Variants in CHRM1 observed in about 807,000 individuals in gnomAD.
CHRM1 encodes the protein muscarinic acetylcholine receptor M1.
A neutral mutation model predicts 31.6 loss-of-function variants in CHRM1; 5 were observed. The observed-to-expected ratio is 0.16, with a 90% CI of 0.08 to 0.33. CHRM1 has a LOEUF of 0.33. CHRM1 is among the 10% of genes least tolerant of loss of function. The pLI is 1.00. For missense variants in CHRM1, 338 were observed against 610.3 expected (o/e 0.55, Z 4.70); for synonymous variants, 227 against 249.7 (o/e 0.91, Z 0.86).
At chr11:62,913,497 C>T (rs1425306898) in intron 1 of CHRM1, among the ~76,000 whole-genome samples, 1 of 152,072 alleles carries the variant, frequency 6.6e-6, no homozygotes, top group Non-Finnish European at 1.5e-5. Flanking sequence ...CATAGTGAAA[C>T]TCTGTCTCTA....
intron 1 of CHRM1, among the ~76,000 whole-genome samples, chr11:62,913,696 A>G (rs34651844): frequency 3.9e-5 from 6 of 152,032 alleles, no homozygotes; most frequent in African/African-American, 1.4e-4. Context: ...AAAGAAAAGA[A>G]ATGTCTGATA....
intron 1 of CHRM1, among the ~76,000 whole-genome samples, chr11:62,919,809 G>C (rs758933404): frequency 6.6e-6 from 1 of 152,170 alleles, no homozygotes; most frequent in Non-Finnish European, 1.5e-5. Context: ...GAAGGGGTCC[G>C]AGCCCCAGCT....
intron 1 of CHRM1, among the ~76,000 whole-genome samples, chr11:62,920,943 GT>G (rs2085930286): frequency 6.6e-6 from 1 of 152,150 alleles, no homozygotes; most frequent in Non-Finnish European, 1.5e-5. Context: ...CTCAGGTCCA[GT>G]TTCCTGAGGG....
At chr11:62,921,407 GGAAA>G (rs2085933213), upstream of CHRM1, 1 of 152,466 alleles carries the variant, frequency 6.6e-6, no homozygotes, top group Non-Finnish European at 1.5e-5. Context: ...AGGGAGAAAG[GGAAA>G]GAGAGGGAGG....
intron 1 of CHRM1, among the ~76,000 whole-genome samples, chr11:62,913,240 G>T (rs55885673): frequency 0.12 from 18,763 of 152,212 alleles, 1,475 homozygotes; most frequent in Admixed American, 0.27. Context: ...TAGCAAGACT[G>T]TCACCTCTTT....
intron 1 of CHRM1, among the ~76,000 whole-genome samples, chr11:62,914,404 T>C (rs978417705): frequency 6.6e-6 from 1 of 152,202 alleles, no homozygotes; most frequent in Admixed American, 6.5e-5. Flanking sequence ...GGATCATAGT[T>C]TGCTAATTCG....
rs2085865023 is a variant in CHRM1, at chr11:62,910,498, G to A, written c.603C>T (p.Val201=). 1 of 1,614,090 alleles carries A rather than the reference G, an allele frequency of 6.2e-7. No individual in the cohort carries two copies. Among genetic ancestry groups the A allele is most frequent in the Admixed American group, 1.7e-5 (1 of 60,014 alleles). Residue 201 remains valine (V), a synonymous_variant, in exon 2 of 2, where the codon GTC becomes GTT. Transcript: ENST00000306960. The surrounding 1 kb of genome is among the most constrained non-coding windows in gnomAD (Gnocchi z 8.7). ...GTAMAAFYLP[V]TVMCTLYWRI... is the part of the protein sequence containing the mutation. ...GCCAGTAGAGCGTGCACATGACTGT[G>A]ACAGGGAGGTAGAAGGCAGCCATGG...
At position 62,910,716 on chromosome 11, in the gene CHRM1, G is replaced by A; in HGVS notation, c.385C>T (p.Arg129Trp). ...CGCTTGGCACGGTAGCTCAGGGGCC[G>A]AGTCACGGAGAAGTAGCGGTCAAAG... is the stretch of plus-strand genomic sequence containing the variant. ...ISFDRYFSVT[R>W]PLSYRAKRTP... Residue 129 changes from arginine to tryptophan, a missense_variant, in exon 2 of 2, where the codon CGG becomes TGG. Around this residue, in one of 4 missense-constraint regions of CHRM1, gnomAD observed 85 missense variants for 257.7 expected, o/e 0.33. Transcript: ENST00000306960. This position sits in a 1 kb window ranked among gnomAD's most constrained non-coding sequence, Gnocchi z 8.7. 1 of 1,614,160 alleles carries A rather than the reference G, an allele frequency of 6.2e-7. No individual in the cohort carries two copies. Among genetic ancestry groups the A allele is most frequent in the Non-Finnish European group, 8.5e-7 (1 of 1,180,028 alleles).
At chr11:62,916,528 A>C (rs2085901244) in intron 1 of CHRM1, among the ~76,000 whole-genome samples, 1 of 152,222 alleles carries the variant, frequency 6.6e-6, no homozygotes, top group Non-Finnish European at 1.5e-5. Context: ...GGAGGTGAGG[A>C]AGCCGGCAGT....
chr11:62,914,034 C>T (rs1026051279), intron 1 of CHRM1, among the ~76,000 whole-genome samples: 93 of 152,016 alleles, frequency 6.1e-4, no homozygotes, highest in African/African-American at 2.1e-3. Context: ...CCTCCGCCTC[C>T]GGGTTCACAC....
At chr11:62,916,687 G>A (rs1340676080) in intron 1 of CHRM1, among the ~76,000 whole-genome samples, 5 of 152,188 alleles carry the variant, frequency 3.3e-5, no homozygotes, top group African/African-American at 9.7e-5. Context: ...CATCCCATGG[G>A]GGGCTCTATC....
Position 62,909,557 on chromosome 11 carries a change from A to C in CHRM1, c.*161T>G. 1 of 820,228 alleles carries C rather than the reference A, an allele frequency of 1.2e-6. No individual in the cohort carries two copies. The highest frequency in any genetic ancestry group is 1.9e-6 in the Non-Finnish European group (1 of 528,218). 50.8% of individuals were successfully genotyped at this position (820,228 alleles called of 1,614,324 possible). A position where few individuals can be genotyped will look rare whatever the true frequency, so the allele number is the denominator to read the frequency against. ...CTGCCTGGGAATAGCGAAGTCTGGA[A>C]AGTTGGCAGGGTCTCTCTGGGCTGC... On this transcript the variant is annotated 3_prime_UTR_variant, in exon 2 of 2. Transcript: ENST00000306960.
chr11:62,911,793 A>G (rs1403870584), intron 1 of CHRM1, among the ~76,000 whole-genome samples: 1 of 152,172 alleles, frequency 6.6e-6, no homozygotes, highest in African/African-American at 2.4e-5. Flanking sequence ...AAGAAAGAAA[A>G]GAAGCCATTC....
At chr11:62,914,663 G>C (rs1490578313) in intron 1 of CHRM1, among the ~76,000 whole-genome samples, 1 of 152,242 alleles carries the variant, frequency 6.6e-6, no homozygotes, top group Non-Finnish European at 1.5e-5. Context: ...AAAGGGAGTA[G>C]AAGGCATTGT....
chr11:62,917,733 T>TCA (rs1283902164), intron 1 of CHRM1, among the ~76,000 whole-genome samples: 1 of 152,154 alleles, frequency 6.6e-6, no homozygotes, highest in Non-Finnish European at 1.5e-5. Context: ...GGCCTCCTGA[T>TCA]GAAGGCTGTT....
intron 1 of CHRM1, 21 bp from the exon 2 acceptor site, chr11:62,911,199 C>T: frequency 8.4e-7 from 1 of 1,195,908 alleles, no homozygotes; most frequent in Non-Finnish European, 1.2e-6. Context: ...AGGACATGGG[C>T]TTTGGTTGGG....
At chr11:62,916,466 G>T (rs968919756) in intron 1 of CHRM1, among the ~76,000 whole-genome samples, 7 of 152,158 alleles carry the variant, frequency 4.6e-5, no homozygotes, top group Admixed American at 4.6e-4. Context: ...CTTGTGAGAA[G>T]AAGTAACTCA....
chr11:62,916,338 C>A (rs1367992816), intron 1 of CHRM1, among the ~76,000 whole-genome samples: 1 of 152,220 alleles, frequency 6.6e-6, no homozygotes, highest in Non-Finnish European at 1.5e-5. Flanking sequence ...GCTGAAGGCT[C>A]AACTTACATT....
Position 62,910,553 on chromosome 11 carries a change from A to G in CHRM1, c.548T>C (p.Leu183Pro), listed in dbSNP as rs1163383446. Residue 183 changes from leucine to proline, a missense_variant, in exon 2 of 2, where the codon CTC becomes CCC. By Grantham distance (98) the Leu-to-Pro change is moderately conservative (BLOSUM62 -3). Transcript: ENST00000306960. The surrounding 1 kb of genome is among the most constrained non-coding windows in gnomAD (Gnocchi z 8.7). ...GCCAAAGGTGATGATGGGCTGGGAG[A>G]GGAACTGGATGTAGCACTGCCCAGC... ...VLAGQCYIQF[L>P]SQPIITFGTA... The G allele has an allele frequency of 6.2e-7, 1 of 1,614,130 alleles. No homozygotes were observed. The highest frequency in any genetic ancestry group is 8.5e-7 in the Non-Finnish European group (1 of 1,180,008).
Sources: gnomAD v4.1 joint callset for allele counts (sites outside exome capture counted in the v4.1 genomes callset) on GRCh38, gnomAD v4.1.1 for gene constraint, gnomAD v4.1.1 regional missense constraint, Gnocchi (gnomAD v3.1) non-coding constraint, MANE v1.5 for transcripts, NCBI Gene and HGNC (gene_info 2026-07-23, HGNC 2026-07-21) for gene names.